The following TMTC1 variants were observed in gnomAD, a reference collection of about 807,000 sequenced individuals.
The protein encoded by TMTC1 is protein O-mannosyl-transferase TMTC1.
Under a neutral mutation model 104.8 loss-of-function variants are expected in TMTC1, and 73 were observed. The ratio of observed to expected loss-of-function variants is 0.70; its 90% CI spans 0.58 to 0.85. TMTC1 has a LOEUF of 0.85. TMTC1 is among the 40% of genes least tolerant of loss of function. TMTC1 has a pLI of 0.00. For missense variants in TMTC1, 1,035 were observed against 1,096.1 expected (o/e 0.94, Z 0.79); for synonymous variants, 434 against 428.7 (o/e 1.01, Z -0.15).
At chr12:29,773,041 A>G (rs750165509) in intron 1 of TMTC1, among the ~76,000 whole-genome samples, 1 of 152,152 alleles carries the variant, frequency 6.6e-6, no homozygotes, top group African/African-American at 2.4e-5. Context: ...AACTAGGCCA[A>G]GCAGTAGGAA....
intron 5 of TMTC1, among the ~76,000 whole-genome samples, chr12:29,722,124 A>G (rs1313962908): frequency 1.3e-5 from 2 of 152,224 alleles, no homozygotes; most frequent in African/African-American, 4.8e-5. Context: ...TAGTATTGCT[A>G]TAAGAATAAT....
chr12:29,604,053 A>AAAT, intron 7 of TMTC1, 125 bp downstream of exon 7: 1 of 1,304,764 alleles, frequency 7.7e-7, no homozygotes, highest in South Asian at 1.5e-5. Flanking sequence ...TTTAAAGCTG[A>AAAT]AATAATAATA....
intron 7 of TMTC1, among the ~76,000 whole-genome samples, chr12:29,596,183 T>G (rs1946399871): frequency 6.6e-6 from 1 of 152,134 alleles, no homozygotes; most frequent in South Asian, 2.1e-4. Context: ...ATTTTTGTAC[T>G]TTTAGTAGAG....
chr12:29,629,327 GA>G lies in TMTC1; in HGVS notation c.1128+3819del, dbSNP rs906623400. 5.7e-3 allele frequency among the ~76,000 whole-genome samples: 801 copies of G among 140,464 alleles called. 8 individuals carry two copies. Among genetic ancestry groups the G allele is most frequent in the African/African-American group, 0.02 (750 of 38,420 alleles). The allele number at this position is 140,464 out of a possible 152,430, so 92.1% of individuals were successfully genotyped here. On this transcript the variant is annotated intron_variant, in intron 6 of 17. Transcript: ENST00000539277. ...AGAGAGAGACTCCGTCTCAAAAAAA[GA>G]AAAAAAAAAAGCTACCTATGACCTG... is the stretch of plus-strand genomic sequence containing the variant.
chr12:29,524,056 T>C (rs1565644522), intron 11 of TMTC1, among the ~76,000 whole-genome samples: 1 of 152,200 alleles, frequency 6.6e-6, no homozygotes, highest in African/African-American at 2.4e-5. Flanking sequence ...AGTACATCAT[T>C]TATTGGTTAT....
chr12:29,550,919 G>GT (rs1275144397), intron 10 of TMTC1, among the ~76,000 whole-genome samples: 2 of 128,552 alleles, frequency 1.6e-5, no homozygotes, highest in Non-Finnish European at 3.1e-5. Context: ...GGGGGAGAGA[G>GT]TGGGACTCCA....
At chr12:29,655,902 C>T (rs908873549) in intron 5 of TMTC1, among the ~76,000 whole-genome samples, 1 of 152,090 alleles carries the variant, frequency 6.6e-6, no homozygotes, top group African/African-American at 2.4e-5. Context: ...ACTTATTATA[C>T]CTACTTTAAA....
intron 5 of TMTC1, among the ~76,000 whole-genome samples, chr12:29,651,499 T>G (rs1192527285): frequency 2.0e-5 from 3 of 152,148 alleles, no homozygotes; most frequent in Non-Finnish European, 4.4e-5. Flanking sequence ...ATATAAGAAG[T>G]TAGGGCCCCA....
chr12:29,712,684 G>A (rs2136846452), intron 5 of TMTC1, among the ~76,000 whole-genome samples: 1 of 152,286 alleles, frequency 6.6e-6, no homozygotes, highest in African/African-American at 2.4e-5. Flanking sequence ...GCTGCTATAT[G>A]TTATTCTAGT....
At chr12:29,772,178 A>G (rs1361166952) in intron 1 of TMTC1, among the ~76,000 whole-genome samples, 2 of 152,190 alleles carry the variant, frequency 1.3e-5, no homozygotes, top group Admixed American at 1.3e-4. Flanking sequence ...TGGTGGCTTC[A>G]TATAAAAATT....
rs1943668374 is a variant in TMTC1 at position 29,505,050 on chromosome 12, A to G, written c.*1796T>C. 6.6e-6 allele frequency: 1 copy of G among 152,218 alleles called. No individual in the cohort carries two copies. Among genetic ancestry groups the G allele is most frequent in the African/African-American group, 2.4e-5 (1 of 41,460 alleles). The allele number at this position is 152,218 out of a possible 1,614,324, so 9.4% of individuals were successfully genotyped here. A position where few individuals can be genotyped will look rare whatever the true frequency, so the allele number is the denominator to read the frequency against. ...AAATGGTTGTAGTGGTAACATATACATTCTTGGATTACTGTTGCACACAAA... is the reference window on the plus strand; with the variant it reads ...AAATGGTTGTAGTGGTAACATATACGTTCTTGGATTACTGTTGCACACAAA... On this transcript the variant is annotated 3_prime_UTR_variant, in exon 18 of 18. Transcript: ENST00000539277.
rs151332410 is a variant in TMTC1, at chr12:29,501,975, G to A, written c.*4871C>T. The A allele has an allele frequency of 2.0e-5, 3 of 152,114 alleles. No homozygotes were observed. In the East Asian group the frequency reaches 5.8e-4, roughly 29 times the overall value. 9.4% of individuals were successfully genotyped at this position (152,114 alleles called of 1,614,324 possible). On this transcript the variant is annotated 3_prime_UTR_variant, in exon 18 of 18. Coordinates refer to ENST00000539277, the MANE Select transcript of TMTC1 (RefSeq NM_001193451.2). ...TTGAGGGAAATAATATTTTTTGGAAGAACTATTCAGCATATTTTCCTTTTG... is the reference window on the plus strand; with the variant it reads ...TTGAGGGAAATAATATTTTTTGGAAAAACTATTCAGCATATTTTCCTTTTG...
chr12:29,762,157 C>T (rs1179886400), intron 2 of TMTC1, among the ~76,000 whole-genome samples: 5 of 152,084 alleles, frequency 3.3e-5, no homozygotes, highest in African/African-American at 4.8e-5. Flanking sequence ...CCAGCCTGGG[C>T]GACAGAGGAA....
At chr12:29,756,594 T>C (rs557154440) in intron 3 of TMTC1, among the ~76,000 whole-genome samples, 1 of 152,358 alleles carries the variant, frequency 6.6e-6, no homozygotes, top group South Asian at 2.1e-4. Flanking sequence ...TTTATTTTTT[T>C]CTCAGTTTAA....
chr12:29,618,045 G>C (rs1565713553), intron 6 of TMTC1, among the ~76,000 whole-genome samples: 2 of 152,198 alleles, frequency 1.3e-5, no homozygotes, highest in Non-Finnish European at 2.9e-5. Flanking sequence ...ATCCAAATGA[G>C]AGATGACGGT....
At chr12:29,570,106 C>T (rs556802134) in intron 9 of TMTC1, among the ~76,000 whole-genome samples, 6 of 152,082 alleles carry the variant, frequency 3.9e-5, no homozygotes, top group Admixed American at 1.3e-4. Context: ...CATTTCCTAC[C>T]AACCATGTAA....
Position 29,593,283 on chromosome 12 carries a change from G to A in TMTC1, c.1251-9709C>T, listed in dbSNP as rs186523719. ...AATAAATGAAATAATGTATGTAAAC[G>A]TGTTCTGTAAACTAAAGGTGAAGTT... On this transcript the variant is annotated intron_variant, in intron 7 of 17. Coordinates refer to ENST00000539277, the MANE Select transcript of TMTC1 (RefSeq NM_001193451.2). Among the ~76,000 whole-genome samples the A allele has an allele frequency of 3.8e-4, 58 of 152,254 alleles. 1 individual carries two copies. The highest frequency in any genetic ancestry group is 1.0e-3 in the African/African-American group (43 of 41,548).
intron 5 of TMTC1, among the ~76,000 whole-genome samples, chr12:29,747,997 T>C (rs1431455151): frequency 6.6e-6 from 1 of 152,220 alleles, no homozygotes; most frequent in Non-Finnish European, 1.5e-5. Flanking sequence ...CCTGATCACC[T>C]TCTGACAAAA....
intron 5 of TMTC1, among the ~76,000 whole-genome samples, chr12:29,739,359 T>G (rs1199680509): frequency 6.6e-6 from 1 of 152,186 alleles, no homozygotes; most frequent in Non-Finnish European, 1.5e-5. Flanking sequence ...TCTGTGTCTC[T>G]GCCCAAGCTA....
Sources: gnomAD v4.1 joint callset for allele counts (sites outside exome capture counted in the v4.1 genomes callset) on GRCh38, gnomAD v4.1.1 for gene constraint, MANE v1.5 for transcripts, NCBI Gene and HGNC (gene_info 2026-07-23, HGNC 2026-07-21) for gene names.